HS6ST1: variants seen among roughly 807,000 people sequenced by gnomAD.
HS6ST1 encodes heparan sulfate 6-O-sulfotransferase 1.
HS6ST1 carries 3 observed loss-of-function variants against 25.2 expected under a neutral mutation model. The ratio of observed to expected loss-of-function variants is 0.12; its 90% CI spans 0.05 to 0.31. HS6ST1 has a LOEUF of 0.31. Among genes scored for constraint, HS6ST1 ranks in the 10% least tolerant of loss-of-function variants. The pLI is 1.00. For missense variants in HS6ST1, 310 were observed against 609.6 expected (o/e 0.51, Z 5.18); for synonymous variants, 204 against 275.1 (o/e 0.74, Z 2.56).
chr2:128,267,920 C>T lies in HS6ST1; in HGVS notation c.*242G>A. The T allele has an allele frequency of 1.7e-6, 1 of 597,550 alleles. No individual in the cohort carries two copies. The highest frequency in any genetic ancestry group is 3.0e-6 in the Non-Finnish European group (1 of 335,802). 37.0% of individuals were successfully genotyped at this position (597,550 alleles called of 1,614,324 possible). On this transcript the variant is annotated 3_prime_UTR_variant, in exon 2 of 2. Transcript: ENST00000259241. ...ACAACACCTGCTCTGGAGGCCCTGC[C>T]CTGACCATGGCATCCTTCGAGCACG... is the stretch of plus-strand genomic sequence containing the variant.
Position 128,318,747 on chromosome 2 carries a change from C to A in HS6ST1, c.-184G>T, listed in dbSNP as rs1413640913. ...ATGGCTGCTCCCCGCCCGGCCCCGGCTCCCCGGGCCCGACGCCCGACTCCG... is the reference window on the plus strand; with the variant it reads ...ATGGCTGCTCCCCGCCCGGCCCCGGATCCCCGGGCCCGACGCCCGACTCCG... On this transcript the variant is annotated 5_prime_UTR_variant, in exon 1 of 2. Coordinates refer to ENST00000259241, the MANE Select transcript of HS6ST1 (RefSeq NM_004807.3). The surrounding 1 kb of genome is among the most constrained non-coding windows in gnomAD (Gnocchi z 5.7). 1.2e-4 allele frequency among the ~76,000 whole-genome samples: 17 copies of A among 146,662 alleles called. No individual in the cohort carries two copies. The highest frequency in any genetic ancestry group is 1.5e-4 in the Non-Finnish European group (10 of 65,956).
At chr2:128,317,915 G>T in intron 1 of HS6ST1, 122 bp downstream of exon 1, 1 of 1,196,344 alleles carries the variant, frequency 8.4e-7, no homozygotes, top group Non-Finnish European at 1.1e-6. Context: ...GCCGGCGAGT[G>T]GGGGCCCCCA....
At chr2:128,272,213 C>T (rs1401322784) in intron 1 of HS6ST1, among the ~76,000 whole-genome samples, 4 of 152,212 alleles carry the variant, frequency 2.6e-5, no homozygotes, top group African/African-American at 7.2e-5. Context: ...GGCCTGGTGC[C>T]CCCTCCCCTC....
chr2:128,285,596 C>G (rs917706344), intron 1 of HS6ST1, among the ~76,000 whole-genome samples: 1 of 27,384 alleles, frequency 3.7e-5, no homozygotes, highest in Non-Finnish European at 6.6e-5. Context: ...GGGGGATGGG[C>G]AGGGCTGTCT....
chr2:128,270,127 G>A (rs766656839), intron 1 of HS6ST1, among the ~76,000 whole-genome samples: 11 of 152,230 alleles, frequency 7.2e-5, no homozygotes, highest in Non-Finnish European at 1.6e-4. Context: ...TCCAGGGGCA[G>A]GCAGCAAGGC....
In HS6ST1 at chr2:128,268,186, C is replaced by T; in HGVS notation, c.1212G>A (p.Met404Ile). The T allele has an allele frequency of 6.2e-7, 1 of 1,610,092 alleles. No individual in the cohort carries two copies. The highest frequency in any genetic ancestry group is 8.5e-7 in the Non-Finnish European group (1 of 1,179,292). Residue 404 changes from methionine to isoleucine, a missense_variant, in exon 2 of 2, where the codon ATG becomes ATA. Coordinates refer to ENST00000259241, the MANE Select transcript of HS6ST1 (RefSeq NM_004807.3). The part of the protein sequence containing the change: ...EPGRVPTEDY[M>I]SHIIEKW ...ACTACCACTTCTCAATGATGTGGCT[C>T]ATGTAGTCCTCGGTGGGCACGCGGC...
intron 1 of HS6ST1, among the ~76,000 whole-genome samples, chr2:128,292,389 C>G (rs552867638): frequency 6.6e-4 from 100 of 152,346 alleles, no homozygotes; most frequent in Non-Finnish European, 5.0e-4. Context: ...CACCCAACAC[C>G]TTCTCAGGGC....
chr2:128,315,510 A>G (rs1466602351), intron 1 of HS6ST1, among the ~76,000 whole-genome samples: 1 of 152,188 alleles, frequency 6.6e-6, no homozygotes, highest in Non-Finnish European at 1.5e-5. Context: ...CAGTCCCCAG[A>G]GAACACGGAG....
At chr2:128,292,354 G>A (rs994693924) in intron 1 of HS6ST1, among the ~76,000 whole-genome samples, 1 of 152,208 alleles carries the variant, frequency 6.6e-6, no homozygotes, top group Non-Finnish European at 1.5e-5. Context: ...GGTAAGGTGG[G>A]CCCTGTGTTC....
intron 1 of HS6ST1, among the ~76,000 whole-genome samples, chr2:128,306,300 C>CCG (rs1185760212): frequency 2.6e-5 from 4 of 152,184 alleles, no homozygotes; most frequent in African/African-American, 4.8e-5. Context: ...GAGGACGTGG[C>CCG]CGCGCCGCTG....
intron 1 of HS6ST1, 44 bp from the exon 2 acceptor site, chr2:128,268,914 T>C (rs1693569013): frequency 6.6e-7 from 1 of 1,526,170 alleles, no homozygotes; most frequent in African/African-American, 1.4e-5. Flanking sequence ...TGACGCAGCA[T>C]GAGGGGGGCT....
chr2:128,301,374 C>T (rs1694123064), intron 1 of HS6ST1, among the ~76,000 whole-genome samples: 2 of 152,184 alleles, frequency 1.3e-5, no homozygotes, highest in South Asian at 4.1e-4. Flanking sequence ...TCCAGGCTAC[C>T]CTTCCTGTGT....
chr2:128,295,548 C>A (rs753164159), intron 1 of HS6ST1, among the ~76,000 whole-genome samples: 1 of 152,210 alleles, frequency 6.6e-6, no homozygotes, highest in Non-Finnish European at 1.5e-5. Context: ...ATCCTGATAT[C>A]AAAGCCAGAC....
intron 1 of HS6ST1, among the ~76,000 whole-genome samples, chr2:128,288,131 C>T (rs1693893305): frequency 6.6e-6 from 1 of 152,192 alleles, no homozygotes; most frequent in African/African-American, 2.4e-5. Flanking sequence ...CTCCTCTTGT[C>T]CTGGCCAAGA....
At chr2:128,309,417 C>T (rs1044020088) in intron 1 of HS6ST1, among the ~76,000 whole-genome samples, 2 of 152,234 alleles carry the variant, frequency 1.3e-5, no homozygotes, top group Non-Finnish European at 2.9e-5. Context: ...GCGGCCTGGG[C>T]TGACCAGTGG....
chr2:128,300,243 C>A (rs998968104), intron 1 of HS6ST1, among the ~76,000 whole-genome samples: 1 of 152,182 alleles, frequency 6.6e-6, no homozygotes, highest in Non-Finnish European at 1.5e-5. Flanking sequence ...TGCAGGAGGC[C>A]CACACAGCGG....
At chr2:128,313,543 A>G (rs1558882539) in intron 1 of HS6ST1, among the ~76,000 whole-genome samples, 1 of 152,164 alleles carries the variant, frequency 6.6e-6, no homozygotes. Context: ...AACAATCATT[A>G]TAACCACAAC....
At chr2:128,311,026 C>G (rs1048573468) in intron 1 of HS6ST1, among the ~76,000 whole-genome samples, 1 of 152,136 alleles carries the variant, frequency 6.6e-6, no homozygotes, top group African/African-American at 2.4e-5. Flanking sequence ...CCTGCAAAAC[C>G]CTGTGTGTGG....
intron 1 of HS6ST1, among the ~76,000 whole-genome samples, chr2:128,298,458 A>G (rs1694073144): frequency 6.6e-6 from 1 of 152,222 alleles, no homozygotes; most frequent in South Asian, 2.1e-4. Context: ...AAAATATGGT[A>G]CATATAGACG....
Sources: gnomAD v4.1 joint callset for allele counts (sites outside exome capture counted in the v4.1 genomes callset) on GRCh38, gnomAD v4.1.1 for gene constraint, Gnocchi (gnomAD v3.1) non-coding constraint, MANE v1.5 for transcripts, NCBI Gene and HGNC (gene_info 2026-07-23, HGNC 2026-07-21) for gene names.